RCL1: variants seen among roughly 807,000 people sequenced by gnomAD.
RCL1 encodes RNA 3'-terminal phosphate cyclase-like protein.
In RCL1, 24 loss-of-function variants were observed where a neutral mutation model predicts 42.4. That is an observed-to-expected ratio of 0.57 (90% CI 0.41 to 0.80). The LOEUF (loss-of-function observed/expected upper bound fraction) is 0.80. Ranked by LOEUF, RCL1 falls within the 30% of genes least tolerant of loss-of-function variation. The probability of loss-of-function intolerance (pLI) is 0.00; values close to 1 mark genes in which losing one functional copy is unlikely to be tolerated. For missense variants in RCL1, 578 were observed against 467.9 expected (o/e 1.24, Z -2.17); for synonymous variants, 228 against 177.3 (o/e 1.29, Z -2.27).
intron 3 of RCL1, among the ~76,000 whole-genome samples, chr9:4,828,165 C>CA (rs147771721): frequency 0.054 from 2,490 of 46,142 alleles, 43 homozygotes; most frequent in Non-Finnish European, 0.065. Context: ...GACTCCGTCT[C>CA]AAAAAAAAAA....
chr9:4,796,663 T>G (rs370898263), intron 1 of RCL1, among the ~76,000 whole-genome samples: 2 of 152,298 alleles, frequency 1.3e-5, no homozygotes, highest in South Asian at 2.1e-4. Flanking sequence ...GCCTTCCAAA[T>G]TGCTGGGATT....
chr9:4,822,605 G>A (rs1057505352), intron 1 of RCL1, among the ~76,000 whole-genome samples: 7 of 152,040 alleles, frequency 4.6e-5, no homozygotes, highest in African/African-American at 1.7e-4. Context: ...ATTGTTTGAG[G>A]TCAGGAGTTC....
At chr9:4,832,216 G>A (rs1030363370) in intron 3 of RCL1, among the ~76,000 whole-genome samples, 3 of 152,198 alleles carry the variant, frequency 2.0e-5, no homozygotes, top group East Asian at 1.9e-4. Flanking sequence ...ACAGTTACAC[G>A]TGGCAAAGTC....
In RCL1 at chr9:4,793,005, GCCA is replaced by G; in HGVS notation, c.-77_-75del. 2.7e-6 allele frequency: 4 copies of G among 1,459,940 alleles called. No individual in the cohort carries two copies. Among genetic ancestry groups the G allele is most frequent in the Non-Finnish European group, 3.7e-6 (4 of 1,090,866 alleles). 90.4% of individuals were successfully genotyped at this position (1,459,940 alleles called of 1,614,324 possible). A position where few individuals can be genotyped will look rare whatever the true frequency, so the allele number is the denominator to read the frequency against. Reference sequence around the variant, plus strand: ...CCGAGCCGCCGCCGTCGGTGTCGCCGCCACCACCACCATCGGAGTCACGAGTCC... The same window carrying G: ...CCGAGCCGCCGCCGTCGGTGTCGCCGCCACCACCATCGGAGTCACGAGTCC... On this transcript the variant is annotated 5_prime_UTR_variant, in exon 1 of 9. Transcript: ENST00000381750.
intron 1 of RCL1, among the ~76,000 whole-genome samples, chr9:4,810,385 G>T (rs1212725403): frequency 6.6e-6 from 1 of 152,080 alleles, no homozygotes; most frequent in Non-Finnish European, 1.5e-5. Flanking sequence ...TAACACCATG[G>T]ATTAGGTTTC....
intron 1 of RCL1, among the ~76,000 whole-genome samples, chr9:4,813,898 T>G (rs764104673): frequency 1.3e-5 from 2 of 152,274 alleles, no homozygotes; most frequent in Middle Eastern, 6.8e-3. Flanking sequence ...GGGACATGGA[T>G]AAAACTGGAA....
intron 1 of RCL1, among the ~76,000 whole-genome samples, chr9:4,798,566 T>G (rs143679608): frequency 1.5e-3 from 226 of 152,368 alleles, no homozygotes; most frequent in African/African-American, 5.2e-3. Context: ...TAAAATGTGC[T>G]GAGGAAGCAT....
chr9:4,831,688 C>G (rs1033159872), intron 3 of RCL1, among the ~76,000 whole-genome samples: 1 of 152,054 alleles, frequency 6.6e-6, no homozygotes, highest in East Asian at 1.9e-4. Flanking sequence ...CGGGCTGTAG[C>G]TTTAATATTT....
At chr9:4,802,226 G>A (rs1843015955) in intron 1 of RCL1, among the ~76,000 whole-genome samples, 1 of 152,050 alleles carries the variant, frequency 6.6e-6, no homozygotes, top group South Asian at 2.1e-4. Flanking sequence ...CTCCTGGCCA[G>A]TATATCACAC....
At chr9:4,817,082 G>C (rs987608792) in intron 1 of RCL1, among the ~76,000 whole-genome samples, 1 of 152,210 alleles carries the variant, frequency 6.6e-6, no homozygotes, top group Non-Finnish European at 1.5e-5. Flanking sequence ...CTCCCAAAAT[G>C]CTGGGATTAC....
intron 1 of RCL1, among the ~76,000 whole-genome samples, chr9:4,820,852 G>A (rs138897198): frequency 2.5e-3 from 387 of 152,320 alleles, no homozygotes; most frequent in African/African-American, 8.9e-3. Flanking sequence ...TCAAACTCCT[G>A]TGATGCTACT....
At chr9:4,809,483 G>A (rs1816095502) in intron 1 of RCL1, among the ~76,000 whole-genome samples, 1 of 151,846 alleles carries the variant, frequency 6.6e-6, no homozygotes, top group African/African-American at 2.4e-5. Flanking sequence ...CTAATTTTTT[G>A]TGTTTTAGTA....
At chr9:4,834,872 G>A (rs143072844) in intron 5 of RCL1, among the ~76,000 whole-genome samples, 2 of 152,288 alleles carry the variant, frequency 1.3e-5, no homozygotes, top group Middle Eastern at 3.4e-3. Flanking sequence ...AGCTTCAAAA[G>A]CTTAAGGAAT....
intron 1 of RCL1, among the ~76,000 whole-genome samples, chr9:4,795,995 A>C (rs1173555516): frequency 1.3e-5 from 2 of 152,182 alleles, no homozygotes; most frequent in Non-Finnish European, 1.5e-5. Context: ...GAAAGTTACG[A>C]AGGAAGGCAG....
intron 5 of RCL1, among the ~76,000 whole-genome samples, chr9:4,840,073 C>T (rs926068025): frequency 2.6e-5 from 4 of 151,924 alleles, no homozygotes; most frequent in Admixed American, 1.3e-4. Flanking sequence ...CCAGGAGCCA[C>T]CGAGAGACTG....
intron 8 of RCL1, among the ~76,000 whole-genome samples, chr9:4,858,824 A>G (rs1213043642): frequency 6.6e-6 from 1 of 152,138 alleles, no homozygotes; most frequent in African/African-American, 2.4e-5. Flanking sequence ...GGTTTTTGTA[A>G]TACTTCACTA....
chr9:4,793,334 G>C, intron 1 of RCL1, 107 bp downstream of exon 1: 1 of 1,292,196 alleles, frequency 7.7e-7, no homozygotes. Flanking sequence ...GGCGTCCGGC[G>C]AGCGCGTCGG....
chr9:4,857,011 A>T (rs1187972038), intron 8 of RCL1, among the ~76,000 whole-genome samples: 1 of 152,242 alleles, frequency 6.6e-6, no homozygotes, highest in African/African-American at 2.4e-5. Context: ...TTTGGTATAC[A>T]CCGAGTAGGG....
Position 4,833,244 on chromosome 9 carries a change from C to T in RCL1, c.459+16C>T. 6.3e-7 allele frequency: 1 copy of T among 1,587,992 alleles called. No individual in the cohort carries two copies. Among genetic ancestry groups the T allele is most frequent in the Non-Finnish European group, 8.6e-7 (1 of 1,156,198 alleles). The stretch of plus-strand genomic sequence containing the variant: ...TGAACTGAAGGTAAGAATGTTTGAA[C>T]TGTTGACCATATGTTCCTGTGGAAA... On this transcript the variant is annotated intron_variant, in intron 4 of 8. Transcript: ENST00000381750.
Sources: allele counts gnomAD v4.1 joint callset (sites outside exome capture counted in the v4.1 genomes callset), GRCh38; gene constraint gnomAD v4.1.1; transcripts MANE v1.5; gene names NCBI Gene and HGNC (gene_info 2026-07-23, HGNC 2026-07-21).